Variants in ASTN2 observed in about 807,000 individuals in gnomAD.
ASTN2 encodes astrotactin-2.
Under a neutral mutation model 139.8 loss-of-function variants are expected in ASTN2, and 54 were observed. That is an observed-to-expected ratio of 0.39 (90% CI 0.31 to 0.48). The LOEUF (loss-of-function observed/expected upper bound fraction) is 0.48, where lower values mean the gene tolerates loss of function less well. ASTN2 is among the 20% of genes least tolerant of loss of function. The pLI is 0.95. For synonymous variants in ASTN2, 756 were observed against 719.5 expected, an observed-to-expected ratio of 1.05 and a Z score of -0.81; for missense variants, 1,565 against 1,725.1, an observed-to-expected ratio of 0.91 and a Z score of 1.64.
chr9:116,684,969 AGACAGTAACAACCCT>A (rs1791636310), intron 16 of ASTN2, among the ~76,000 whole-genome samples: 2 of 152,186 alleles, frequency 1.3e-5, no homozygotes. Context: ...GTTTAAACAA[AGACAGTAACAACCCT>A]ATCCCAAAGC....
At chr9:116,621,899 G>C (rs1856175630) in intron 17 of ASTN2, among the ~76,000 whole-genome samples, 1 of 152,186 alleles carries the variant, frequency 6.6e-6, no homozygotes, top group Admixed American at 6.5e-5. Context: ...TAACTTCAGT[G>C]TGTGCTTGAT....
At chr9:116,468,120 C>G (rs1222892826) in intron 20 of ASTN2, among the ~76,000 whole-genome samples, 1 of 152,194 alleles carries the variant, frequency 6.6e-6, no homozygotes, top group Non-Finnish European at 1.5e-5. Context: ...ACTTTACTTG[C>G]TGTTATCCCC....
chr9:116,922,556 G>A (rs1207628981), intron 10 of ASTN2, among the ~76,000 whole-genome samples: 1 of 152,148 alleles, frequency 6.6e-6, no homozygotes, highest in African/African-American at 2.4e-5. Flanking sequence ...TGCATTGTTT[G>A]TAATAGTAAA....
At chr9:116,653,645 G>A (rs1304163301) in intron 16 of ASTN2, among the ~76,000 whole-genome samples, 1 of 152,192 alleles carries the variant, frequency 6.6e-6, no homozygotes, top group East Asian at 1.9e-4. Flanking sequence ...GGAAATAGGG[G>A]CCCTGCGCCC....
chr9:116,767,088 A>C (rs985972291), intron 13 of ASTN2, among the ~76,000 whole-genome samples: 1 of 152,150 alleles, frequency 6.6e-6, no homozygotes, highest in Non-Finnish European at 1.5e-5. Context: ...AAACACATAC[A>C]TTCATGCTCA....
chr9:117,205,185 T>C (rs757993686), intron 3 of ASTN2, among the ~76,000 whole-genome samples: 2 of 152,190 alleles, frequency 1.3e-5, no homozygotes, highest in Non-Finnish European at 2.9e-5. Flanking sequence ...AAGGGGAATA[T>C]TCAAAGCATT....
intron 5 of ASTN2, among the ~76,000 whole-genome samples, chr9:117,065,515 C>A (rs1827909611): frequency 6.6e-6 from 1 of 152,140 alleles, no homozygotes; most frequent in South Asian, 2.1e-4. Context: ...TTCATTTCAG[C>A]ATCTGTAACT....
chr9:116,534,690 C>T (rs980147727), intron 19 of ASTN2, among the ~76,000 whole-genome samples: 4 of 152,130 alleles, frequency 2.6e-5, no homozygotes, highest in African/African-American at 7.2e-5. Context: ...TTTCTTAATC[C>T]TGAGGTCTAG....
intron 10 of ASTN2, among the ~76,000 whole-genome samples, chr9:116,869,440 A>T (rs933243644): frequency 6.6e-6 from 1 of 152,180 alleles, no homozygotes; most frequent in Non-Finnish European, 1.5e-5. Flanking sequence ...TTCTTATCAA[A>T]GTGTTCCTAA....
rs543280121 is a variant in ASTN2, at chr9:116,532,887, A to G, written c.3356-45387T>C. Reference sequence around the variant, plus strand: ...CATGAACTTTAAAGTAGTTTTTCCAATTCTGTGAAGAAAGTCATTGGTAGC... The same window carrying G: ...CATGAACTTTAAAGTAGTTTTTCCAGTTCTGTGAAGAAAGTCATTGGTAGC... On this transcript the variant is annotated intron_variant, in intron 19 of 22. Transcript: ENST00000313400. Among the ~76,000 whole-genome samples the G allele has an allele frequency of 2.6e-5, 4 of 152,288 alleles. No homozygotes were observed. In the South Asian group the frequency reaches 6.2e-4, roughly 24 times the overall value.
At chr9:116,993,874 A>ATTTTTTTT (rs200536593) in intron 7 of ASTN2, among the ~76,000 whole-genome samples, 12 of 134,356 alleles carry the variant, frequency 8.9e-5, no homozygotes, top group African/African-American at 3.3e-4. Context: ...ATATATATAT[A>ATTTTTTTT]TATTTTAACT....
intron 17 of ASTN2, among the ~76,000 whole-genome samples, chr9:116,635,038 A>T (rs541188812): frequency 6.6e-6 from 1 of 152,340 alleles, no homozygotes; most frequent in South Asian, 2.1e-4. Context: ...CTATTGCTAA[A>T]TGCTTTACAT....
rs532814766 is a variant in ASTN2 at position 116,707,267 on chromosome 9, GCCACTATGCC to G, written c.2806+18494_2806+18503del. On this transcript the variant is annotated intron_variant, in intron 16 of 22. Coordinates refer to ENST00000313400, the MANE Select transcript of ASTN2 (RefSeq NM_001365068.1). ...CTTCCTACTTCTGCCTATGCCCTAT[GCCACTATGCC>G]CCCTGACCAAAAAAAAAAAAAAAAA... Among the ~76,000 whole-genome samples, 316 of 111,648 alleles carry G rather than the reference GCCACTATGCC, an allele frequency of 2.8e-3. 1 individual carries two copies. Among genetic ancestry groups the G allele is most frequent in the African/African-American group, 0.011 (294 of 27,956 alleles). The allele number at this position is 111,648 out of a possible 152,430, so 73.2% of individuals were successfully genotyped here.
At chr9:117,178,242 C>T (rs1447612981) in intron 3 of ASTN2, among the ~76,000 whole-genome samples, 3 of 152,126 alleles carry the variant, frequency 2.0e-5, no homozygotes, top group African/African-American at 4.8e-5. Flanking sequence ...CCATGCTCTC[C>T]ACTAGAATGA....
At chr9:117,073,743 C>T (rs1828198485) in intron 5 of ASTN2, among the ~76,000 whole-genome samples, 1 of 152,130 alleles carries the variant, frequency 6.6e-6, no homozygotes, top group Non-Finnish European at 1.5e-5. Context: ...GTAACTCCAG[C>T]AATGGGCCTG....
At chr9:117,347,204 G>A (rs192291810) in intron 1 of ASTN2, among the ~76,000 whole-genome samples, 10 of 152,154 alleles carry the variant, frequency 6.6e-5, no homozygotes, top group South Asian at 2.1e-4. Context: ...AGAGGTTGGC[G>A]GTTGAGAAGC....
chr9:117,080,003 A>G (rs1828384572), intron 5 of ASTN2, among the ~76,000 whole-genome samples: 1 of 71,444 alleles, frequency 1.4e-5, no homozygotes, highest in Non-Finnish European at 3.0e-5. Context: ...TGGGTTGGTT[A>G]GAGTGACTTA....
chr9:116,614,519 A>G (rs2131810383), intron 19 of ASTN2, among the ~76,000 whole-genome samples: 1 of 152,322 alleles, frequency 6.6e-6, no homozygotes, highest in East Asian at 1.9e-4. Flanking sequence ...TGGTACCAAA[A>G]CAGAGTTATA....
rs571692691 is a variant in ASTN2, at chr9:116,623,076, G to T, written c.3073-2633C>A. On this transcript the variant is annotated intron_variant, in intron 17 of 22. Transcript: ENST00000313400. ...AATTAACATAACGGTGAAACCCAGG[G>T]CCATGGGTGAAAGTGACACAGATGG... Among the ~76,000 whole-genome samples the T allele has an allele frequency of 9.7e-4, 148 of 152,214 alleles. 2 individuals are homozygous for T. The highest frequency in any genetic ancestry group is 3.5e-3 in the South Asian group (17 of 4,824).
Sources: gnomAD v4.1 joint callset for allele counts (sites outside exome capture counted in the v4.1 genomes callset) on GRCh38, gnomAD v4.1.1 for gene constraint, MANE v1.5 for transcripts, NCBI Gene and HGNC (gene_info 2026-07-23, HGNC 2026-07-21) for gene names.